The following SORL1-AS1 variants were observed in gnomAD, a reference collection of about 807,000 sequenced individuals.
The protein encoded by SORL1-AS1 is lncRNA 51 A.
chr11:121,443,511 G>A (rs1017593708), downstream of SORL1-AS1, among the ~76,000 whole-genome samples: 1 of 152,182 alleles, frequency 6.6e-6, no homozygotes, highest in African/African-American at 2.4e-5. Context: ...ATTCATAGTT[G>A]CTATATTGTC....
downstream of SORL1-AS1, among the ~76,000 whole-genome samples, chr11:121,443,991 G>A (rs994210296): frequency 3.3e-5 from 5 of 152,120 alleles, no homozygotes; most frequent in Non-Finnish European, 7.4e-5. Context: ...TTGGGGTCTA[G>A]GTTCTCCTGT....
chr11:121,448,362 C>A (rs1389698806), exon 2 of SORL1-AS1: 1 of 152,150 alleles, frequency 6.6e-6, no homozygotes, highest in African/African-American at 2.4e-5. Flanking sequence ...TTGGCAACAG[C>A]AGGAGAAGGA....
rs1473709409 is a variant in SORL1-AS1 at position 121,450,378 on chromosome 11, A to G, written n.340-479T>C. On this transcript the variant is annotated intron_variant and non_coding_transcript_variant, in intron 1 of 1. Coordinates refer to ENST00000501964, the Ensembl canonical transcript of SORL1-AS1. This position sits in a 1 kb window ranked among gnomAD's most constrained non-coding sequence, Gnocchi z 5.2. ...TGCTGACCAGACAGAGCTGATCTAGATGAGGGGTGGGAGGTGACAGTGGTT... is the reference window on the plus strand; with the variant it reads ...TGCTGACCAGACAGAGCTGATCTAGGTGAGGGGTGGGAGGTGACAGTGGTT... Among the ~76,000 whole-genome samples the G allele has an allele frequency of 6.6e-6, 1 of 151,966 alleles. No individual in the cohort carries two copies. The highest frequency in any genetic ancestry group is 2.4e-5 in the African/African-American group (1 of 41,362).
rs1239009960 is a variant in SORL1-AS1 at position 121,450,396 on chromosome 11, CAGTGGTT to C, written n.340-504_340-498del. On this transcript the variant is annotated intron_variant and non_coding_transcript_variant, in intron 1 of 1. Transcript: ENST00000501964. This position sits in a 1 kb window ranked among gnomAD's most constrained non-coding sequence, Gnocchi z 5.2. ...GATCTAGATGAGGGGTGGGAGGTGA[CAGTGGTT>C]CAGTGGCTTTCTTGGAGGATGCATG... 1.3e-5 allele frequency among the ~76,000 whole-genome samples: 2 copies of C among 151,962 alleles called. No homozygotes were observed. The highest frequency in any genetic ancestry group is 4.8e-5 in the African/African-American group (2 of 41,358).
chr11:121,449,021 C>G (rs1415687837), exon 2 of SORL1-AS1: 2 of 152,112 alleles, frequency 1.3e-5, no homozygotes, highest in Admixed American at 1.3e-4. Context: ...TTTTCCTCTT[C>G]GTGGCTGTCC....
At chr11:121,447,936 ACCAGCT>A (rs1860743939) in exon 2 of SORL1-AS1, 1 of 152,188 alleles carries the variant, frequency 6.6e-6, no homozygotes, top group Non-Finnish European at 1.5e-5. Flanking sequence ...GACTTGAAAT[ACCAGCT>A]CTTCTCTTCC....
downstream of SORL1-AS1, among the ~76,000 whole-genome samples, chr11:121,443,421 A>T (rs1860687633): frequency 6.6e-6 from 1 of 152,260 alleles, no homozygotes; most frequent in Non-Finnish European, 1.5e-5. Flanking sequence ...CAAGAACCTA[A>T]GGCATGAATA....
chr11:121,447,427 C>G (rs1860739465), exon 2 of SORL1-AS1: 1 of 152,046 alleles, frequency 6.6e-6, no homozygotes, highest in Non-Finnish European at 1.5e-5. Flanking sequence ...ATCCTCCCCA[C>G]TCAGCCTCCT....
At chr11:121,438,674 C>T in the SORL1-AS1 span, among the ~76,000 whole-genome samples, 1 of 152,154 alleles carries the variant, frequency 6.6e-6, no homozygotes, top group Admixed American at 6.5e-5. Flanking sequence ...TGAAAAATCT[C>T]AATTTATCTC....
chr11:121,440,267 G>A, the SORL1-AS1 span, among the ~76,000 whole-genome samples: 1 of 151,916 alleles, frequency 6.6e-6, no homozygotes, highest in Non-Finnish European at 1.5e-5. Flanking sequence ...CCAGCTACAC[G>A]GGAGGCTGAG....
In SORL1-AS1 at chr11:121,452,065, G is replaced by A. The variant is rs1860801600; in HGVS notation, n.339+610C>T. Reference sequence around the variant, plus strand: ...CCTTAACTTCCCCATCCCCGCGCCAGGGAGGGGCCGGAGTCGCCGCCGAGG... The same window carrying A: ...CCTTAACTTCCCCATCCCCGCGCCAAGGAGGGGCCGGAGTCGCCGCCGAGG... On this transcript the variant is annotated intron_variant and non_coding_transcript_variant, in intron 1 of 1. Transcript: ENST00000501964. The surrounding 1 kb of genome is among the most constrained non-coding windows in gnomAD (Gnocchi z 5.3). 6.6e-6 allele frequency: 1 copy of A among 152,354 alleles called. No homozygotes were observed. The highest frequency in any genetic ancestry group is 1.9e-4 in the East Asian group (1 of 5,196). The allele number at this position is 152,354 out of a possible 1,614,324, so 9.4% of individuals were successfully genotyped here.
chr11:121,447,201 A>G (rs771210845), downstream of SORL1-AS1: 3 of 152,016 alleles, frequency 2.0e-5, no homozygotes, highest in Non-Finnish European at 4.4e-5. Context: ...CCCGCTTCAC[A>G]CACTTTGTGA....
At position 121,452,523 on chromosome 11, in the gene SORL1-AS1, G is replaced by A; in HGVS notation, n.339+152C>T. 2.0e-6 allele frequency: 3 copies of A among 1,480,048 alleles called. No individual in the cohort carries two copies. The highest frequency in any genetic ancestry group is 2.8e-5 in the East Asian group (1 of 35,636). 91.7% of individuals were successfully genotyped at this position (1,480,048 alleles called of 1,614,324 possible). A position where few individuals can be genotyped will look rare whatever the true frequency, so the allele number is the denominator to read the frequency against. On this transcript the variant is annotated intron_variant and non_coding_transcript_variant, in intron 1 of 1. Coordinates refer to ENST00000501964, the Ensembl canonical transcript of SORL1-AS1. The surrounding 1 kb of genome is among the most constrained non-coding windows in gnomAD (Gnocchi z 5.3). ...GCGAGCTGCGGCTGTGGGCGCGCGG[G>A]GATGCCAGGGGGGCGAGCCGCGCGG... is the stretch of plus-strand genomic sequence containing the variant.
At chr11:121,439,336 G>A in the SORL1-AS1 span, among the ~76,000 whole-genome samples, 2 of 151,842 alleles carry the variant, frequency 1.3e-5, no homozygotes, top group African/African-American at 4.8e-5. Context: ...ACAACGCTGA[G>A]CATCTTTTTT....
the SORL1-AS1 span, among the ~76,000 whole-genome samples, chr11:121,438,952 G>T: frequency 6.6e-6 from 1 of 152,210 alleles, no homozygotes; most frequent in African/African-American, 2.4e-5. Flanking sequence ...CTTGAACCCG[G>T]GAGGCAGAGG....
chr11:121,441,530 C>CAAAAAA, the SORL1-AS1 span, among the ~76,000 whole-genome samples: 120 of 52,326 alleles, frequency 2.3e-3, 4 homozygotes, highest in African/African-American at 5.8e-3. Context: ...GACTCTGTCT[C>CAAAAAA]AAAAAAAAAA....
Position 121,452,261 on chromosome 11 carries a change from C to A in SORL1-AS1, n.339+414G>T, listed in dbSNP as rs1226469975. The A allele has an allele frequency of 2.4e-6, 3 of 1,275,386 alleles. No individual in the cohort carries two copies. The highest frequency in any genetic ancestry group is 3.9e-5 in the Admixed American group (1 of 25,602). 79.0% of individuals were successfully genotyped at this position (1,275,386 alleles called of 1,614,324 possible). A position where few individuals can be genotyped will look rare whatever the true frequency, so the allele number is the denominator to read the frequency against. On this transcript the variant is annotated intron_variant and non_coding_transcript_variant, in intron 1 of 1. Transcript: ENST00000501964. This position sits in a 1 kb window ranked among gnomAD's most constrained non-coding sequence, Gnocchi z 5.3. ...AGCGGCGCGCGCGGTCCCGGCCCAG[C>A]GGCTCTCCTGGCCTCGCGCTGCACA... is the stretch of plus-strand genomic sequence containing the variant.
At chr11:121,440,675 G>A in the SORL1-AS1 span, among the ~76,000 whole-genome samples, 14 of 152,178 alleles carry the variant, frequency 9.2e-5, no homozygotes, top group East Asian at 1.9e-4. Flanking sequence ...ATTCAAGAGC[G>A]GTCCCTTTCC....
intron 1 of SORL1-AS1, among the ~76,000 whole-genome samples, chr11:121,451,654 A>G (rs1403102895): frequency 6.6e-6 from 1 of 152,160 alleles, no homozygotes; most frequent in African/African-American, 2.4e-5. Context: ...AGGCTGGGGC[A>G]CGTAGCTTGA....
Sources: gnomAD v4.1 joint callset for allele counts (sites outside exome capture counted in the v4.1 genomes callset) on GRCh38, gnomAD v4.1.1 for gene constraint, Gnocchi (gnomAD v3.1) non-coding constraint, MANE v1.5 for transcripts, NCBI Gene and HGNC (gene_info 2026-07-23, HGNC 2026-07-21) for gene names.